The following RNF145 variants were observed in gnomAD, a reference collection of about 807,000 sequenced individuals.
RNF145 encodes the protein ring finger protein 145.
A neutral mutation model predicts 57.3 loss-of-function variants in RNF145; 12 were observed. The ratio of observed to expected loss-of-function variants is 0.21; its 90% confidence interval spans 0.13 to 0.34. The LOEUF is 0.34. Among genes scored for constraint, RNF145 ranks in the 10% least tolerant of loss-of-function variants. The pLI, the probability that RNF145 is intolerant of heterozygous loss-of-function variation, is 1.00. For synonymous variants in RNF145, 262 were observed against 288.3 expected (o/e 0.91, Z 0.92); for missense variants, 429 against 799.0 (o/e 0.54, Z 5.58).
intron 2 of RNF145, among the ~76,000 whole-genome samples, chr5:159,203,054 C>A (rs1219712314): frequency 1.3e-5 from 2 of 151,936 alleles, no homozygotes; most frequent in African/African-American, 4.8e-5. Context: ...TCTCAGGGAA[C>A]AATAAAGAAT....
chr5:159,186,087 G>A (rs1442315534), intron 3 of RNF145, among the ~76,000 whole-genome samples: 1 of 152,134 alleles, frequency 6.6e-6, no homozygotes, highest in African/African-American at 2.4e-5. Flanking sequence ...CAATTAGCCA[G>A]GCGTGGTAAT....
chr5:159,188,496 G>A (rs969700677), intron 3 of RNF145, among the ~76,000 whole-genome samples: 4 of 151,982 alleles, frequency 2.6e-5, no homozygotes, highest in Non-Finnish European at 5.9e-5. Context: ...ACTCTCACAG[G>A]AATAGTAGTA....
intron 1 of RNF145, among the ~76,000 whole-genome samples, chr5:159,206,431 T>C (rs1003239130): frequency 6.6e-6 from 1 of 152,208 alleles, no homozygotes; most frequent in African/African-American, 2.4e-5. Context: ...ATGATAGTTA[T>C]CAATACAAAT....
intron 3 of RNF145, among the ~76,000 whole-genome samples, chr5:159,185,236 G>A (rs193187762): frequency 6.6e-6 from 1 of 152,204 alleles, no homozygotes. Flanking sequence ...TAGAAAGCCT[G>A]CAGACTCTCT....
At chr5:159,161,645 C>T (rs565121121) in intron 9 of RNF145, 23 bp from the exon 10 acceptor site, 11 of 1,274,302 alleles carry the variant, frequency 8.6e-6, no homozygotes, top group African/African-American at 1.5e-5. Flanking sequence ...AAAAAATGTA[C>T]GTATCTTGAA....
intron 2 of RNF145, among the ~76,000 whole-genome samples, chr5:159,199,733 G>A (rs1785596802): frequency 6.6e-6 from 1 of 152,036 alleles, no homozygotes; most frequent in East Asian, 1.9e-4. Context: ...ACGACCTATA[G>A]AATTAAGCAC....
intron 3 of RNF145, among the ~76,000 whole-genome samples, chr5:159,186,586 T>C (rs1275542889): frequency 1.3e-5 from 2 of 152,214 alleles, no homozygotes; most frequent in Non-Finnish European, 2.9e-5. Context: ...GATGTTCAAA[T>C]ACCTGTATTT....
chr5:159,204,717 T>C (rs1785808607), intron 1 of RNF145, among the ~76,000 whole-genome samples: 1 of 150,338 alleles, frequency 6.7e-6, no homozygotes, highest in Non-Finnish European at 1.5e-5. Context: ...GGCAGAAGAA[T>C]TGCTTGAACC....
chr5:159,169,949 G>A, intron 6 of RNF145, 130 bp from the exon 7 acceptor site: 1 of 642,454 alleles, frequency 1.6e-6, no homozygotes, highest in African/African-American at 1.9e-5. Flanking sequence ...CAAAATTTGA[G>A]GAGAAATCAC....
At chr5:159,206,861 A>C (rs1785905264) in intron 1 of RNF145, among the ~76,000 whole-genome samples, 1 of 152,194 alleles carries the variant, frequency 6.6e-6, no homozygotes, top group South Asian at 2.1e-4. Context: ...GAACTTTGAA[A>C]AGAACTGGGA....
chr5:159,187,431 G>A (rs879367592), intron 3 of RNF145, among the ~76,000 whole-genome samples: 22 of 151,680 alleles, frequency 1.5e-4, no homozygotes, highest in Admixed American at 2.0e-4. Flanking sequence ...AGGTTCAAGC[G>A]ATTCTCCTGC....
intron 5 of RNF145, 117 bp downstream of exon 5, chr5:159,176,515 T>G (rs965000638): frequency 3.0e-6 from 2 of 661,774 alleles, no homozygotes; most frequent in African/African-American, 1.8e-5. Context: ...GCAGCTGTTT[T>G]GAAACTGCAA....
At position 159,164,234 on chromosome 5, in the gene RNF145, CTAA is replaced by C. The variant is rs553921309; in HGVS notation, c.1122-1158_1122-1156del. On this transcript the variant is annotated intron_variant, in intron 8 of 10. Coordinates refer to ENST00000424310, the MANE Select transcript of RNF145 (RefSeq NM_001199383.2). ...GTTTTACATTTTTTCTTGCCAAAAA[CTAA>C]TAATAATAATAATAATAATCAGAAA... 3.0e-3 allele frequency among the ~76,000 whole-genome samples: 450 copies of C among 151,450 alleles called. 3 individuals carry two copies. Among genetic ancestry groups the C allele is most frequent in the African/African-American group, 0.01 (419 of 41,292 alleles).
chr5:159,173,393 C>G (rs2113126158), intron 6 of RNF145, among the ~76,000 whole-genome samples: 1 of 152,304 alleles, frequency 6.6e-6, no homozygotes, highest in East Asian at 1.9e-4. Flanking sequence ...ACCCATTTCA[C>G]CAATTACCGG....
intron 6 of RNF145, among the ~76,000 whole-genome samples, chr5:159,172,476 T>C (rs1784590693): frequency 6.7e-6 from 1 of 150,264 alleles, no homozygotes; most frequent in South Asian, 2.1e-4. Context: ...CCAGATTCCG[T>C]CTCAAAAAAA....
intron 3 of RNF145, among the ~76,000 whole-genome samples, chr5:159,189,279 A>T (rs1785202147): frequency 6.6e-6 from 1 of 152,244 alleles, no homozygotes; most frequent in Non-Finnish European, 1.5e-5. Context: ...CAAATAACCC[A>T]ATTAAATACT....
At chr5:159,172,967 G>A (rs1323201407) in intron 6 of RNF145, among the ~76,000 whole-genome samples, 1 of 152,146 alleles carries the variant, frequency 6.6e-6, no homozygotes, top group Non-Finnish European at 1.5e-5. Flanking sequence ...GTATATTCAT[G>A]TACTAGATTC....
intron 6 of RNF145, among the ~76,000 whole-genome samples, chr5:159,171,149 G>C (rs1424196521): frequency 6.6e-6 from 1 of 152,118 alleles, no homozygotes; most frequent in Non-Finnish European, 1.5e-5. Context: ...AATCATGGTG[G>C]CTAATAACTA....
At chr5:159,159,776 A>G (rs1784153430) in intron 10 of RNF145, among the ~76,000 whole-genome samples, 2 of 152,218 alleles carry the variant, frequency 1.3e-5, no homozygotes. Flanking sequence ...TTCCTTGCAT[A>G]AGATATATAT....
Sources: allele counts gnomAD v4.1 joint callset (sites outside exome capture counted in the v4.1 genomes callset), GRCh38; gene constraint gnomAD v4.1.1; transcripts MANE v1.5; gene names NCBI Gene and HGNC (gene_info 2026-07-23, HGNC 2026-07-21).